Variants in AKT3 observed in about 807,000 individuals in gnomAD.
AKT3 encodes RAC-gamma serine/threonine-protein kinase.
A neutral mutation model predicts 65.3 loss-of-function variants in AKT3; 15 were observed. That is an observed-to-expected ratio of 0.23 (90% confidence interval 0.15 to 0.35). The LOEUF (loss-of-function observed/expected upper bound fraction) is 0.35, where lower values mean the gene tolerates loss of function less well. AKT3 is among the 10% of genes least tolerant of loss of function. The pLI is 1.00. For synonymous variants in AKT3, 206 were observed against 183.8 expected, an observed-to-expected ratio of 1.12 and a Z score of -0.98; for missense variants, 243 against 576.5, an observed-to-expected ratio of 0.42 and a Z score of 5.92.
chr1:243,834,165 G>A (rs1282493642), intron 2 of AKT3, among the ~76,000 whole-genome samples: 1 of 151,978 alleles, frequency 6.6e-6, no homozygotes, highest in Non-Finnish European at 1.5e-5. Context: ...TTGAAAATAT[G>A]ACCAAAGGAA....
rs140865217 is a variant in AKT3, at chr1:243,811,572, A to C, written c.46+31553T>G. On this transcript the variant is annotated intron_variant, in intron 2 of 13. Coordinates refer to ENST00000673466, the MANE Select transcript of AKT3 (RefSeq NM_005465.7). ...CCATGCTCATGGATAGGAAGAATCA[A>C]TATTGTGAAAATGGCCATACTGCCC... 5.1e-3 allele frequency among the ~76,000 whole-genome samples: 779 copies of C among 152,330 alleles called. 9 individuals are homozygous for C. The highest frequency in any genetic ancestry group is 0.018 in the African/African-American group (739 of 41,568).
In AKT3 at chr1:243,595,365, C is replaced by T. The variant is rs546149754; in HGVS notation, c.696+18306G>A. Among the ~76,000 whole-genome samples the T allele has an allele frequency of 1.4e-3, 207 of 152,162 alleles. 1 individual carries two copies. Among genetic ancestry groups the T allele is most frequent in the Non-Finnish European group, 2.6e-3 (175 of 68,008 alleles). ...GAAGCTGCTTTGAGTGAGTGAGTGGCGAGTGAATATGAAGGCCTAGGTGAT... is the reference window on the plus strand; with the variant it reads ...GAAGCTGCTTTGAGTGAGTGAGTGGTGAGTGAATATGAAGGCCTAGGTGAT... On this transcript the variant is annotated intron_variant, in intron 8 of 13. Transcript: ENST00000673466.
At chr1:243,790,410 T>A (rs1031688439) in intron 2 of AKT3, among the ~76,000 whole-genome samples, 5 of 152,202 alleles carry the variant, frequency 3.3e-5, no homozygotes, top group Non-Finnish European at 7.4e-5. Context: ...TCTGTTAGCT[T>A]CTAACTTTTC....
Position 243,512,664 on chromosome 1 carries a change from T to C in AKT3, c.1252-238A>G, listed in dbSNP as rs559686575. On this transcript the variant is annotated intron_variant, in intron 12 of 13. Transcript: ENST00000673466. ...CACGAAAAACAACAAAAGAAAACCA[T>C]TGAATAGGACGGGAGAGGGATATTG... is the stretch of plus-strand genomic sequence containing the variant. 9.2e-5 allele frequency among the ~76,000 whole-genome samples: 14 copies of C among 152,224 alleles called. No homozygotes were observed. In the South Asian group the frequency reaches 1.9e-3, roughly 20 times the overall value.
Position 243,664,831 on chromosome 1 carries a change from T to C in AKT3, c.225A>G (p.Arg75=). The change falls in exon 4 of 14, where the codon AGA becomes AGG. Residue 75 remains arginine, a synonymous_variant. Transcript: ENST00000673466. ...CTATAACAGTAGTCCACTGGAGACA[T>C]CTGATTATAAATGTGTTTGGCTTTG... The part of the protein sequence containing the change: ...ERPKPNTFII[R]CLQWTTVIER... The C allele has an allele frequency of 6.3e-7, 1 of 1,594,954 alleles. No homozygotes were observed. Among genetic ancestry groups the C allele is most frequent in the Non-Finnish European group, 8.5e-7 (1 of 1,172,306 alleles).
intron 6 of AKT3, among the ~76,000 whole-genome samples, chr1:243,616,520 TAAAG>T (rs1558656316): frequency 1.3e-5 from 2 of 152,086 alleles, no homozygotes; most frequent in Non-Finnish European, 2.9e-5. Context: ...AACACTATCT[TAAAG>T]AAGAAACGAA....
At chr1:243,518,996 T>G (rs992207539) in intron 12 of AKT3, among the ~76,000 whole-genome samples, 2 of 152,188 alleles carry the variant, frequency 1.3e-5, no homozygotes, top group Non-Finnish European at 2.9e-5. Flanking sequence ...TCACTGATGC[T>G]TTATGAAAAG....
chr1:243,528,382 T>A (rs1671299108), intron 12 of AKT3, among the ~76,000 whole-genome samples: 1 of 152,182 alleles, frequency 6.6e-6, no homozygotes, highest in South Asian at 2.1e-4. Flanking sequence ...GAAAACTGCA[T>A]ATCATGGGGG....
intron 5 of AKT3, among the ~76,000 whole-genome samples, chr1:243,642,981 G>A (rs568010550): frequency 5.3e-5 from 8 of 152,290 alleles, no homozygotes; most frequent in East Asian, 3.9e-4. Flanking sequence ...AGTAGAAAGA[G>A]GAAAAGAGCT....
At chr1:243,589,814 C>A (rs528813239) in intron 8 of AKT3, among the ~76,000 whole-genome samples, 1 of 152,198 alleles carries the variant, frequency 6.6e-6, no homozygotes, top group Non-Finnish European at 1.5e-5. Context: ...TGGAAACACT[C>A]TATATATATA....
intron 4 of AKT3, among the ~76,000 whole-genome samples, chr1:243,663,439 G>A (rs939199139): frequency 6.6e-6 from 1 of 151,688 alleles, no homozygotes; most frequent in Non-Finnish European, 1.5e-5. Flanking sequence ...TGGTGGGGAG[G>A]GGAGGGTGTG....
rs1400969680 is a variant in AKT3, at chr1:243,712,089, T to A, written c.47-16373A>T. Among the ~76,000 whole-genome samples, 3 of 152,190 alleles carry A rather than the reference T, an allele frequency of 2.0e-5. No individual in the cohort carries two copies. In the East Asian group the frequency reaches 5.8e-4, roughly 29 times the overall value. On this transcript the variant is annotated intron_variant, in intron 2 of 13. Coordinates refer to ENST00000673466, the MANE Select transcript of AKT3 (RefSeq NM_005465.7). ...AACACCTTCTACTTAAAAAATGGCA[T>A]ACTGCTCGCCTCCAAACTTGGTAGG...
At position 243,772,302 on chromosome 1, in the gene AKT3, C is replaced by T. The variant is rs141836980; in HGVS notation, c.46+70823G>A. On this transcript the variant is annotated intron_variant, in intron 2 of 13. Coordinates refer to ENST00000673466, the MANE Select transcript of AKT3 (RefSeq NM_005465.7). ...TGCAATCTACTCATCTGACAAAGGG[C>T]TAATATCCAGAATCTACAAAGAACT... Among the ~76,000 whole-genome samples, 1,267 of 151,912 alleles carry T rather than the reference C, an allele frequency of 8.3e-3. 15 individuals are homozygous for T. The highest frequency in any genetic ancestry group is 0.029 in the African/African-American group (1,212 of 41,448).
At chr1:243,574,925 C>A (rs1264090201) in intron 8 of AKT3, among the ~76,000 whole-genome samples, 1 of 152,026 alleles carries the variant, frequency 6.6e-6, no homozygotes, top group Non-Finnish European at 1.5e-5. Flanking sequence ...CTCCCTAAAT[C>A]GATATAATAT....
intron 3 of AKT3, 63 bp downstream of exon 3, chr1:243,695,528 C>G: frequency 1.4e-6 from 2 of 1,445,488 alleles, no homozygotes; most frequent in Non-Finnish European, 1.9e-6. Context: ...CCTAAGATAT[C>G]TGACACATAA....
Position 243,536,278 on chromosome 1 carries a change from C to CT in AKT3, c.1251+9231dup, listed in dbSNP as rs536696211. ...TTTTTACTGTATTTGCTTTTGGGGA[C>CT]TTAAGTCACACATTCTTTGCCTAGG... is the stretch of plus-strand genomic sequence containing the variant. On this transcript the variant is annotated intron_variant, in intron 12 of 13. Transcript: ENST00000673466. Among the ~76,000 whole-genome samples, 650 of 152,174 alleles carry CT rather than the reference C, an allele frequency of 4.3e-3. 4 individuals are homozygous for CT. The highest frequency in any genetic ancestry group is 0.015 in the African/African-American group (625 of 41,518).
intron 4 of AKT3, among the ~76,000 whole-genome samples, chr1:243,653,999 T>C (rs1296382799): frequency 6.6e-6 from 1 of 152,158 alleles, no homozygotes; most frequent in Non-Finnish European, 1.5e-5. Context: ...ATTTTCCTGT[T>C]GGCTTTTCAG....
chr1:243,490,162 A>G (rs1666043241), intron 13 of AKT3, among the ~76,000 whole-genome samples: 1 of 152,210 alleles, frequency 6.6e-6, no homozygotes, highest in African/African-American at 2.4e-5. Flanking sequence ...TGCTCAAGGA[A>G]CCTGTAAGTA....
At chr1:243,597,137 G>C (rs1436984955) in intron 8 of AKT3, among the ~76,000 whole-genome samples, 1 of 151,908 alleles carries the variant, frequency 6.6e-6, no homozygotes, top group Non-Finnish European at 1.5e-5. Flanking sequence ...ATTGTGATGG[G>C]GGCTACATGC....
Sources: allele counts gnomAD v4.1 joint callset (sites outside exome capture counted in the v4.1 genomes callset), GRCh38; gene constraint gnomAD v4.1.1; transcripts MANE v1.5; gene names NCBI Gene and HGNC (gene_info 2026-07-23, HGNC 2026-07-21).